NLRP2: variants seen among roughly 807,000 people sequenced by gnomAD.
NLRP2 encodes NLR family pyrin domain containing 2.
NLRP2 carries 107 observed loss-of-function variants against 97.2 expected under a neutral mutation model. That is an observed-to-expected ratio of 1.10 (90% CI 0.94 to 1.29). The LOEUF (loss-of-function observed/expected upper bound fraction) is 1.29. Among genes scored for constraint, NLRP2 ranks in the 50% most tolerant of loss-of-function variants. The probability of loss-of-function intolerance (pLI) is 0.00; values close to 1 mark genes in which losing one functional copy is unlikely to be tolerated. For synonymous variants in NLRP2, 663 were observed against 551.5 expected (o/e 1.20, Z -2.83); for missense variants, 1,495 against 1,330.3 (o/e 1.12, Z -1.93).
chr19:54,974,023 CCTTGAGCCCAACTG>C lies in NLRP2; in HGVS notation c.281-475_281-462del, dbSNP rs147947690. ...AGAAGATTGTGCTAAGGCTTGAGTG[CCTTGAGCCCAACTG>C]CAGATCTAAGAATGCTGGCTATTAA... is the stretch of plus-strand genomic sequence containing the variant. On this transcript the variant is annotated intron_variant, in intron 2 of 12. Coordinates refer to ENST00000448584, the MANE Select transcript of NLRP2 (RefSeq NM_017852.5). 2.0e-3 allele frequency: 2,535 copies of C among 1,275,858 alleles called. 56 individuals are homozygous for C. The African/African-American group carries it at 0.034, about 17-fold the overall frequency. The allele number at this position is 1,275,858 out of a possible 1,614,324, so 79.0% of individuals were successfully genotyped here.
At chr19:54,995,731 G>A (rs947107717) in intron 11 of NLRP2, among the ~76,000 whole-genome samples, 4 of 152,126 alleles carry the variant, frequency 2.6e-5, no homozygotes, top group African/African-American at 9.6e-5. Context: ...AATCCTATCT[G>A]GGAGGCAATC....
intron 8 of NLRP2, among the ~76,000 whole-genome samples, chr19:54,987,833 G>A (rs552961480): frequency 3.3e-5 from 5 of 151,828 alleles, no homozygotes; most frequent in African/African-American, 1.2e-4. Flanking sequence ...ACAAGGTCAG[G>A]AGTTCAAGAC....
intron 12 of NLRP2, among the ~76,000 whole-genome samples, chr19:54,999,410 G>C (rs2073057901): frequency 6.6e-6 from 1 of 152,168 alleles, no homozygotes; most frequent in Non-Finnish European, 1.5e-5. Flanking sequence ...GCCTCCCAAA[G>C]TGCTAAGATT....
At chr19:54,987,706 C>T (rs2146483066) in intron 8 of NLRP2, among the ~76,000 whole-genome samples, 1 of 150,226 alleles carries the variant, frequency 6.7e-6, no homozygotes, top group South Asian at 2.1e-4. Context: ...CACACCACCG[C>T]ACTCCAGTCT....
rs200375320 is a variant in NLRP2 at position 54,986,222 on chromosome 19, C to A, written c.2273C>A (p.Thr758Lys). ...GCTCTTCGAGGTCACAAGACTGTAA[C>A]GTATCTGACCCTTCAAGGCAATGAC... ...CLALRGHKTV[T>K]YLTLQGNDQD... Residue 758 changes from threonine to lysine, a missense_variant, in exon 8 of 13, where the codon ACG (threonine) becomes AAG (lysine). Physicochemically the swap from Thr to Lys is moderately conservative, Grantham distance 78 (BLOSUM62 -1). Coordinates refer to ENST00000448584, the MANE Select transcript of NLRP2 (RefSeq NM_017852.5). 5.0e-6 allele frequency: 8 copies of A among 1,612,348 alleles called. No homozygotes were observed. Among genetic ancestry groups the A allele is most frequent in the Non-Finnish European group, 6.8e-6 (8 of 1,178,522 alleles).
Position 54,971,708 on chromosome 19 carries a change from A to G in NLRP2, c.280+1413A>G, listed in dbSNP as rs149074603. On this transcript the variant is annotated intron_variant, in intron 2 of 12. Transcript: ENST00000448584. ...TGTAAATTATTTTCTACCTATTTCT[A>G]TCGCTTTCAGGTATCGTACAGTTGG... is the stretch of plus-strand genomic sequence containing the variant. 1.1e-4 allele frequency among the ~76,000 whole-genome samples: 16 copies of G among 152,148 alleles called. No homozygotes were observed. In the East Asian group the frequency reaches 2.5e-3, roughly 24 times the overall value.
chr19:54,984,895 G>A, intron 6 of NLRP2, 152 bp from the exon 7 acceptor site: 1 of 754,454 alleles, frequency 1.3e-6, no homozygotes, highest in South Asian at 1.4e-5. Context: ...CTTCTTGGGT[G>A]TTGAGTTGTC....
chr19:54,989,433 C>T (rs1024966555), intron 8 of NLRP2: 1 of 164,556 alleles, frequency 6.1e-6, no homozygotes, highest in South Asian at 1.6e-4. Context: ...GATCGCGCCA[C>T]TACACTCCAG....
chr19:55,000,889 C>G lies in NLRP2; in HGVS notation c.3180C>G (p.Phe1060Leu). 6.2e-7 allele frequency: 1 copy of G among 1,613,798 alleles called. No homozygotes were observed. Among genetic ancestry groups the G allele is most frequent in the South Asian group, 1.1e-5 (1 of 91,076 alleles). The change falls in exon 13 of 13, where the codon TTC (phenylalanine) becomes TTG (leucine). Residue 1060 changes from phenylalanine to leucine, a missense_variant. By Grantham distance (22) the Phe-to-Leu change is conservative. Transcript: ENST00000448584. ...PWAERPSSHD[F>L]MI is the part of the protein sequence containing the mutation. ...CAGAAAGGCCTTCTTCTCATGACTT[C>G]ATGATCTGAATCCCCCCGAGTCATT... is the stretch of plus-strand genomic sequence containing the variant.
At chr19:54,973,537 G>T (rs1287011226) in intron 2 of NLRP2, among the ~76,000 whole-genome samples, 1 of 151,762 alleles carries the variant, frequency 6.6e-6, no homozygotes, top group Non-Finnish European at 1.5e-5. Context: ...CACCATGCCC[G>T]CTAATTTTTG....
rs1362801649 is a variant in NLRP2, at chr19:54,985,693, AAAAAAG to A, written c.2202-446_2202-441del. Among the ~76,000 whole-genome samples, 196 of 142,196 alleles carry A rather than the reference AAAAAAG, an allele frequency of 1.4e-3. 1 individual carries two copies. Among genetic ancestry groups the A allele is most frequent in the African/African-American group, 5.3e-3 (179 of 33,958 alleles). 93.3% of individuals were successfully genotyped at this position (142,196 alleles called of 152,430 possible). ...ACTGCGTCTCAAAAAAAAAAAAAAA[AAAAAAG>A]AAAAAGAAAAAAAGGGCCGGGCACA... On this transcript the variant is annotated intron_variant, in intron 7 of 12. Coordinates refer to ENST00000448584, the MANE Select transcript of NLRP2 (RefSeq NM_017852.5).
rs147314436 is a variant in NLRP2 at position 54,974,739 on chromosome 19, G to A, written c.325+195G>A. ...AGCTGAAACACGATCGCGTTTGTTG[G>A]AAATCTATAAATACATACAAAGCGG... On this transcript the variant is annotated intron_variant, in intron 3 of 12. Transcript: ENST00000448584. Among the ~76,000 whole-genome samples, 263 of 152,288 alleles carry A rather than the reference G, an allele frequency of 1.7e-3. 1 individual carries two copies. Among genetic ancestry groups the A allele is most frequent in the African/African-American group, 5.9e-3 (244 of 41,566 alleles).
At chr19:54,991,422 A>T (rs1305913447) in intron 10 of NLRP2, 1 of 152,184 alleles carries the variant, frequency 6.6e-6, no homozygotes, top group East Asian at 1.9e-4. Context: ...GCATGGTGGG[A>T]CATGCCTGTA....
intron 5 of NLRP2, among the ~76,000 whole-genome samples, 172 bp downstream of exon 5, chr19:54,981,854 C>T (rs2071597983): frequency 6.6e-6 from 1 of 152,128 alleles, no homozygotes; most frequent in Non-Finnish European, 1.5e-5. Context: ...TCTCGACTCA[C>T]TGCAACCTCC....
chr19:54,965,410 T>C (rs1351762301), upstream of NLRP2: 1 of 100,286 alleles, frequency 1.0e-5, no homozygotes, highest in Non-Finnish European at 2.1e-5. Context: ...TGCAACTTCA[T>C]TTCTTTATTT....
At chr19:54,981,514 C>T in intron 4 of NLRP2, 103 bp from the exon 5 acceptor site, 4 of 266,616 alleles carry the variant, frequency 1.5e-5, no homozygotes, top group Admixed American at 7.1e-5. Context: ...CCCGTGCCCC[C>T]CCTCCCCCCC....
intron 3 of NLRP2, among the ~76,000 whole-genome samples, chr19:54,975,379 C>T (rs1300300786): frequency 6.9e-6 from 1 of 145,692 alleles, no homozygotes; most frequent in Non-Finnish European, 1.5e-5. Flanking sequence ...GCCTCACCCT[C>T]CCAAACTGCT....
intron 2 of NLRP2, 74 bp downstream of exon 2, chr19:54,970,369 G>C: frequency 6.4e-7 from 1 of 1,571,392 alleles, no homozygotes; most frequent in Non-Finnish European, 8.7e-7. Flanking sequence ...AAATTCAGAA[G>C]GCCAGGCGCG....
At chr19:54,990,790 C>G in intron 10 of NLRP2, 118 bp downstream of exon 10, 1 of 1,018,290 alleles carries the variant, frequency 9.8e-7, no homozygotes. Flanking sequence ...AAGCATGATG[C>G]TAATGACAAC....
Sources: allele counts gnomAD v4.1 joint callset (sites outside exome capture counted in the v4.1 genomes callset), GRCh38; gene constraint gnomAD v4.1.1; transcripts MANE v1.5; gene names NCBI Gene and HGNC (gene_info 2026-07-23, HGNC 2026-07-21).